Variants in TRIM28 observed in about 807,000 individuals in gnomAD.
TRIM28 encodes the protein tripartite motif containing 28.
A neutral mutation model predicts 87.4 loss-of-function variants in TRIM28; 8 were observed. That is an observed-to-expected ratio of 0.09 (90% CI 0.05 to 0.17). The LOEUF (loss-of-function observed/expected upper bound fraction) is 0.17, where lower values mean the gene tolerates loss of function less well. Ranked by LOEUF, TRIM28 falls within the 10% of genes least tolerant of loss-of-function variation. The pLI is 1.00. For missense variants in TRIM28, 968 were observed against 1,131.8 expected (o/e 0.86, Z 2.08); for synonymous variants, 601 against 454.3 (o/e 1.32, Z -4.11).
chr19:58,548,460 C>G (rs1568661483), intron 8 of TRIM28, 26 bp from the exon 9 acceptor site: 4 of 1,613,992 alleles, frequency 2.5e-6, no homozygotes, highest in Non-Finnish European at 3.4e-6. Flanking sequence ...GCTGCACCTA[C>G]TTACGTTTCT....
In TRIM28 at chr19:58,549,157, G is replaced by C. The variant is rs748373339; in HGVS notation, c.1579G>C (p.Ala527Pro). The C allele has an allele frequency of 6.2e-7, 1 of 1,613,976 alleles. No individual in the cohort carries two copies. Among genetic ancestry groups the C allele is most frequent in the African/African-American group, 1.3e-5 (1 of 74,936 alleles). Reference sequence around the variant, plus strand: ...CCTTATTGTTATTGAACGTGGCGCTGCCGCTGCAGCTACCGGCCAGCCAGG... The same window carrying C: ...CCTTATTGTTATTGAACGTGGCGCTCCCGCTGCAGCTACCGGCCAGCCAGG... ...YNLIVIERGA[A>P]AAATGQPGTA... Residue 527 changes from alanine to proline, a missense_variant, in exon 12 of 17, where the codon GCC (alanine) becomes CCC (proline). Transcript: ENST00000253024. The surrounding 1 kb of genome is among the most constrained non-coding windows in gnomAD (Gnocchi z 4.4).
chr19:58,548,241 TC>T, intron 7 of TRIM28, 52 bp from the exon 8 acceptor site: 1 of 1,613,550 alleles, frequency 6.2e-7, no homozygotes, highest in Non-Finnish European at 8.5e-7. Context: ...ATACCTCAAA[TC>T]CCTATTTGTT....
chr19:58,548,473 C>G lies in TRIM28; in HGVS notation c.1217-13C>G, dbSNP rs957718187. 20 of 1,614,070 alleles carry G rather than the reference C, an allele frequency of 1.2e-5. No individual in the cohort carries two copies. The highest frequency in any genetic ancestry group is 1.6e-5 in the Non-Finnish European group (19 of 1,180,002). On this transcript the variant is annotated splice_polypyrimidine_tract_variant and intron_variant, in intron 8 of 16. Transcript: ENST00000253024. ...GTGCTGCACCTACTTACGTTTCTCT[C>G]TTCTTTTTGCAGGCAAGATTGTGGC... is the stretch of plus-strand genomic sequence containing the variant.
rs761190458 is a variant in TRIM28, at chr19:58,547,785, C to T, written c.840-7C>T. On this transcript the variant is annotated splice_region_variant and splice_polypyrimidine_tract_variant and intron_variant, in intron 5 of 16. Coordinates refer to ENST00000253024, the MANE Select transcript of TRIM28 (RefSeq NM_005762.3). ...CCCTACCTAGCCTGACCTGCTGTGTCCCCTAGAATCCGCCAGGTGTCTGAC... is the reference window on the plus strand; with the variant it reads ...CCCTACCTAGCCTGACCTGCTGTGTTCCCTAGAATCCGCCAGGTGTCTGAC... The T allele has an allele frequency of 3.7e-6, 6 of 1,614,032 alleles. No individual in the cohort carries two copies. In the South Asian group the frequency reaches 5.5e-5, roughly 15 times the overall value.
rs777669571 is a variant in TRIM28 at position 58,545,723 on chromosome 19, C to T, written c.454-41C>T. 3 of 1,585,718 alleles carry T rather than the reference C, an allele frequency of 1.9e-6. No individual in the cohort carries two copies. In the African/African-American group the frequency reaches 4.0e-5, roughly 21 times the overall value. ...TTCTGGGATGTAAACGTGGATCTAT[C>T]AAGTTGTCTTGCCTTCTCTGACCCT... On this transcript the variant is annotated intron_variant, in intron 2 of 16. Coordinates refer to ENST00000253024, the MANE Select transcript of TRIM28 (RefSeq NM_005762.3).
In TRIM28 at chr19:58,550,135, C is replaced by T. The variant is rs755287507; in HGVS notation, c.2194-12C>T. 6.2e-7 allele frequency: 1 copy of T among 1,613,778 alleles called. No homozygotes were observed. Among genetic ancestry groups the T allele is most frequent in the Non-Finnish European group, 8.5e-7 (1 of 1,179,940 alleles). On this transcript the variant is annotated splice_polypyrimidine_tract_variant and intron_variant, in intron 15 of 16. Transcript: ENST00000253024. ...GTGTCTTTGTGTGTGTATGTGTGAT[C>T]TCTGCCTGCAGGACCAGCCCGGTGG...
chr19:58,547,083 T>TGG, intron 3 of TRIM28: 2 of 232,606 alleles, frequency 8.6e-6, no homozygotes, highest in Non-Finnish European at 1.5e-5. Context: ...GGGTGGGGGG[T>TGG]GGGGTGGGGT....
In TRIM28 at chr19:58,548,872, C is replaced by T. The variant is rs1247454662; in HGVS notation, c.1371C>T (p.Pro457=). The T allele has an allele frequency of 3.1e-6, 5 of 1,613,976 alleles. No individual in the cohort carries two copies. In the South Asian group the frequency reaches 3.3e-5, roughly 11 times the overall value. ...TCTCCATTTTCTAAGGAGATGATCC[C>T]TACTCAAGTGCAGAGCCCCATGTGT... The part of the protein sequence containing the change: ...EGYGFGSGDD[P]YSSAEPHVSG... The change falls in exon 11 of 17, where the codon CCC becomes CCT. Residue 457 remains proline, a synonymous_variant. Transcript: ENST00000253024.
chr19:58,549,311 C>A lies in TRIM28; in HGVS notation c.1663-20C>A. 1 of 1,571,416 alleles carries A rather than the reference C, an allele frequency of 6.4e-7. No homozygotes were observed. The highest frequency in any genetic ancestry group is 8.7e-7 in the Non-Finnish European group (1 of 1,155,538). ...TCCAGGTCTGGACCCTGTTGAACAC[C>A]CCTCATCACCACCTTGCAGGAGGAG... is the stretch of plus-strand genomic sequence containing the variant. On this transcript the variant is annotated intron_variant, in intron 12 of 16. Coordinates refer to ENST00000253024, the MANE Select transcript of TRIM28 (RefSeq NM_005762.3). This position sits in a 1 kb window ranked among gnomAD's most constrained non-coding sequence, Gnocchi z 4.4.
intron 3 of TRIM28, 119 bp downstream of exon 3, chr19:58,546,015 A>G (rs1425394352): frequency 1.5e-6 from 2 of 1,292,576 alleles, no homozygotes; most frequent in Non-Finnish European, 2.1e-6. Context: ...GTGCCGCCCG[A>G]AGGGCCCGAG....
rs1348594153 is a variant in TRIM28 at position 58,549,226 on chromosome 19, A to T, written c.1648A>T (p.Met550Leu). Residue 550 changes from methionine (M) to leucine (L), a missense_variant, in exon 12 of 17, where the codon ATG becomes TTG. Met to Leu is a conservative substitution (Grantham distance 15, BLOSUM62 2). Coordinates refer to ENST00000253024, the MANE Select transcript of TRIM28 (RefSeq NM_005762.3). This position sits in a 1 kb window ranked among gnomAD's most constrained non-coding sequence, Gnocchi z 4.4. ...GTPGAPPLAGMAIVKEEETEA... is the reference protein window; with the variant it reads ...GTPGAPPLAGLAIVKEEETEA... ...CCCTGGTGCCCCACCCCTGGCTGGC[A>T]TGGCCATTGTCAAGGTAAGCCTGTC... 1.2e-6 allele frequency: 2 copies of T among 1,613,464 alleles called. No individual in the cohort carries two copies. The highest frequency in any genetic ancestry group is 1.7e-6 in the Non-Finnish European group (2 of 1,179,634).
In TRIM28 at chr19:58,549,992, G is replaced by T; in HGVS notation, c.2150G>T (p.Cys717Phe). Residue 717 changes from cysteine to phenylalanine, a missense_variant, in exon 15 of 17, where the codon TGC (cysteine) becomes TTC (phenylalanine). This residue lies in a region of TRIM28 where 192 missense variants were observed against 225.6 expected (regional missense o/e 0.85). Transcript: ENST00000253024. The surrounding 1 kb of genome is among the most constrained non-coding windows in gnomAD (Gnocchi z 4.4). Reference sequence around the variant, plus strand: ...CTGGCCCTATTCTGTCACGAACCCTGCCGCCCCCTGCATCAGCTGGCTACC... The same window carrying T: ...CTGGCCCTATTCTGTCACGAACCCTTCCGCCCCCTGCATCAGCTGGCTACC... ...VLLALFCHEP[C>F]RPLHQLATDS... is the part of the protein sequence containing the mutation. The T allele has an allele frequency of 6.2e-7, 1 of 1,614,052 alleles. No homozygotes were observed. Among genetic ancestry groups the T allele is most frequent in the Non-Finnish European group, 8.5e-7 (1 of 1,179,990 alleles).
Position 58,548,874 on chromosome 19 carries a change from A to ACT in TRIM28, c.1375_1376dup (p.Ser460GlnfsTer10), listed in dbSNP as rs2053786331. 6.2e-7 allele frequency: 1 copy of ACT among 1,613,728 alleles called. No individual in the cohort carries two copies. The highest frequency in any genetic ancestry group is 1.3e-5 in the African/African-American group (1 of 74,796). Reference sequence around the variant, plus strand: ...TCCATTTTCTAAGGAGATGATCCCTACTCAAGTGCAGAGCCCCATGTGTCA... The same window carrying ACT: ...TCCATTTTCTAAGGAGATGATCCCTACTCTCAAGTGCAGAGCCCCATGTGTCA... On this transcript the variant is annotated frameshift_variant, in exon 11 of 17. Transcript: ENST00000253024. LOFTEE classifies it high-confidence loss of function.
chr19:58,549,228 G>C lies in TRIM28; in HGVS notation c.1650G>C (p.Met550Ile). Residue 550 changes from methionine (M) to isoleucine (I), a missense_variant, in exon 12 of 17, where the codon ATG becomes ATC. Met to Ile is a conservative substitution (Grantham distance 10, BLOSUM62 1). This residue lies in a region of TRIM28 where 164 missense variants were observed against 146.2 expected (regional missense o/e 1.12). Transcript: ENST00000253024. The surrounding 1 kb of genome is among the most constrained non-coding windows in gnomAD (Gnocchi z 4.4). ...GTPGAPPLAGMAIVKEEETEA... is the reference protein window; with the variant it reads ...GTPGAPPLAGIAIVKEEETEA... ...CTGGTGCCCCACCCCTGGCTGGCAT[G>C]GCCATTGTCAAGGTAAGCCTGTCCC... is the stretch of plus-strand genomic sequence containing the variant. 6.2e-7 allele frequency: 1 copy of C among 1,613,514 alleles called. No individual in the cohort carries two copies. The highest frequency in any genetic ancestry group is 8.5e-7 in the Non-Finnish European group (1 of 1,179,628).
intron 9 of TRIM28, 65 bp downstream of exon 9, chr19:58,548,657 A>G: frequency 9.4e-6 from 7 of 742,108 alleles, no homozygotes; most frequent in Non-Finnish European, 1.4e-5. Flanking sequence ...AGGAGAGAGG[A>G]CCCAGGCAGG....
chr19:58,546,575 G>T (rs1433547972), intron 3 of TRIM28, among the ~76,000 whole-genome samples: 2 of 152,202 alleles, frequency 1.3e-5, no homozygotes, highest in Non-Finnish European at 2.9e-5. Flanking sequence ...TGAGCAGCCA[G>T]GAGGGATACG....
At position 58,549,777 on chromosome 19, in the gene TRIM28, C is replaced by T. The variant is rs897464727; in HGVS notation, c.2023C>T (p.Leu675=). The T allele has an allele frequency of 2.5e-6, 4 of 1,612,398 alleles. No homozygotes were observed. Among genetic ancestry groups the T allele is most frequent in the South Asian group, 1.1e-5 (1 of 90,998 alleles). The part of the protein sequence containing the change: ...SCSLCHVLPD[L]KEEDGSLSLD... ...CTCACTCTGCCATGTGCTCCCTGAC[C>T]TGAAGGAGGAGGATGGCAGCCTCAG... Residue 675 remains leucine (L), a synonymous_variant, in exon 14 of 17, where the codon CTG becomes TTG. Transcript: ENST00000253024. The surrounding 1 kb of genome is among the most constrained non-coding windows in gnomAD (Gnocchi z 4.4).
Position 58,544,799 on chromosome 19 carries a change from G to T in TRIM28, c.42G>T (p.Ser14=). 2 of 1,207,544 alleles carry T rather than the reference G, an allele frequency of 1.7e-6. No individual in the cohort carries two copies. Among genetic ancestry groups the T allele is most frequent in the Admixed American group, 4.4e-5 (1 of 22,650 alleles). The allele number at this position is 1,207,544 out of a possible 1,614,324, so 74.8% of individuals were successfully genotyped here. Reference sequence around the variant, plus strand: ...CGGCAGCCTCGGCAGCAGCGGCCTCGGCCGCCTCTGGCAGCCCGGGCCCGG... The same window carrying T: ...CGGCAGCCTCGGCAGCAGCGGCCTCTGCCGCCTCTGGCAGCCCGGGCCCGG... ...SAAAASAAAA[S]AASGSPGPGE... The change falls in exon 1 of 17, where the codon TCG becomes TCT. Residue 14 remains serine, a synonymous_variant. Coordinates refer to ENST00000253024, the MANE Select transcript of TRIM28 (RefSeq NM_005762.3).
Position 58,545,091 on chromosome 19 carries a change from G to C in TRIM28, c.334G>C (p.Gly112Arg), listed in dbSNP as rs938233802. The change falls in exon 1 of 17, where the codon GGC (glycine) becomes CGC (arginine). Residue 112 changes from glycine to arginine, a missense_variant. Gly to Arg is a moderately radical substitution (Grantham distance 125). Transcript: ENST00000253024. ...GGGGGACGGCGGGGCGGCGGGCGAC[G>C]GCACCGGTAAGTACGAAGTGATCGG... ...SSGDGGAAGD[G>R]TVVDCPVCKQ... 3 of 1,425,868 alleles carry C rather than the reference G, an allele frequency of 2.1e-6. No individual in the cohort carries two copies. The highest frequency in any genetic ancestry group is 3.3e-5 in the Admixed American group (1 of 30,014). 88.3% of individuals were successfully genotyped at this position (1,425,868 alleles called of 1,614,324 possible).
Sources: gnomAD v4.1 joint callset for allele counts (sites outside exome capture counted in the v4.1 genomes callset) on GRCh38, gnomAD v4.1.1 for gene constraint, gnomAD v4.1.1 regional missense constraint, Gnocchi (gnomAD v3.1) non-coding constraint, MANE v1.5 for transcripts, NCBI Gene and HGNC (gene_info 2026-07-23, HGNC 2026-07-21) for gene names.